Variants in INPP5A observed in about 807,000 individuals in gnomAD.
The protein encoded by INPP5A is inositol polyphosphate-5-phosphatase A, also known as 43 kDa inositol polyphosphate 5-phophatase.
A neutral mutation model predicts 65.2 loss-of-function variants in INPP5A; 14 were observed. The observed-to-expected ratio is 0.21, with a 90% CI of 0.14 to 0.34. INPP5A has a LOEUF of 0.34. Ranked by LOEUF, INPP5A falls within the 10% of genes least tolerant of loss-of-function variation. The probability of loss-of-function intolerance (pLI) is 1.00; values close to 1 mark genes in which losing one functional copy is unlikely to be tolerated. For synonymous variants in INPP5A, 207 were observed against 208.3 expected (o/e 0.99, Z 0.05); for missense variants, 431 against 545.6 (o/e 0.79, Z 2.09).
intron 4 of INPP5A, among the ~76,000 whole-genome samples, chr10:132,653,552 A>T (rs1027822150): frequency 1.3e-5 from 2 of 152,214 alleles, no homozygotes; most frequent in African/African-American, 4.8e-5. Flanking sequence ...GCCAGGGCAC[A>T]TGAGTCTAGT....
intron 1 of INPP5A, among the ~76,000 whole-genome samples, chr10:132,589,466 A>G (rs991786146): frequency 1.3e-5 from 2 of 152,248 alleles, no homozygotes; most frequent in Non-Finnish European, 2.9e-5. Context: ...CCGCGGTCCA[A>G]GCCGAGGCAC....
chr10:132,771,832 G>GA lies in INPP5A; in HGVS notation c.978-5839_978-5838insA, dbSNP rs1554959428. 3.1e-4 allele frequency among the ~76,000 whole-genome samples: 28 copies of GA among 90,984 alleles called. 1 individual carries two copies. Among genetic ancestry groups the GA allele is most frequent in the South Asian group, 7.9e-4 (2 of 2,536 alleles). The allele number at this position is 90,984 out of a possible 152,430, so 59.7% of individuals were successfully genotyped here. On this transcript the variant is annotated intron_variant, in intron 12 of 15. Coordinates refer to ENST00000368594, the MANE Select transcript of INPP5A (RefSeq NM_005539.5). ...AGGCAGCCGCCCCGTGAAGAGTGGG[G>GA]CACTCAGCACTGACACGGAGGCCAC...
At position 132,689,750 on chromosome 10, in the gene INPP5A, G is replaced by T. The variant is rs375419061; in HGVS notation, c.307-642G>T. ...ACAAGTAACTGTCTGTGTGGTATCC[G>T]TCGACCCAGCCCTGTGGCGTCCAGC... is the stretch of plus-strand genomic sequence containing the variant. On this transcript the variant is annotated intron_variant, in intron 4 of 15. Coordinates refer to ENST00000368594, the MANE Select transcript of INPP5A (RefSeq NM_005539.5). Among the ~76,000 whole-genome samples, 47 of 152,338 alleles carry T rather than the reference G, an allele frequency of 3.1e-4. No homozygotes were observed. The South Asian group carries it at 9.7e-3, about 32-fold the overall frequency.
intron 12 of INPP5A, among the ~76,000 whole-genome samples, chr10:132,777,152 T>C (rs1413033496): frequency 6.6e-6 from 1 of 152,196 alleles, no homozygotes; most frequent in Non-Finnish European, 1.5e-5. Flanking sequence ...CACCCTCCAC[T>C]GCAGCAGTGA....
At chr10:132,723,498 TGTGGGGA>T (rs1845926193) in intron 8 of INPP5A, among the ~76,000 whole-genome samples, 1 of 145,470 alleles carries the variant, frequency 6.9e-6, no homozygotes, top group African/African-American at 2.6e-5. Flanking sequence ...GGATTGGCCG[TGTGGGGA>T]TTGGCCATGT....
intron 1 of INPP5A, among the ~76,000 whole-genome samples, chr10:132,600,992 G>C (rs2071769513): frequency 6.6e-6 from 1 of 152,134 alleles, no homozygotes; most frequent in Non-Finnish European, 1.5e-5. Flanking sequence ...ACCACATCAG[G>C]AATATAGCCA....
chr10:132,761,990 T>C (rs1486937942), intron 11 of INPP5A, among the ~76,000 whole-genome samples: 1 of 152,048 alleles, frequency 6.6e-6, no homozygotes. Flanking sequence ...CTCATAGAAG[T>C]ATTATCATTA....
At chr10:132,751,914 AGGAGGTGTCTGGGTAGAGGCG>A (rs1846488588) in intron 11 of INPP5A, among the ~76,000 whole-genome samples, 1 of 149,462 alleles carries the variant, frequency 6.7e-6, no homozygotes, top group South Asian at 2.2e-4. Flanking sequence ...GCGGGTGCCC[AGGAGGTGTCTGGGTAGAGGCG>A]GGTGCCCAGG....
intron 1 of INPP5A, among the ~76,000 whole-genome samples, chr10:132,564,699 G>C (rs994474341): frequency 6.6e-6 from 1 of 152,268 alleles, no homozygotes; most frequent in East Asian, 1.9e-4. Flanking sequence ...AGACGGGAGT[G>C]TGCAGTGTGA....
chr10:132,677,964 C>A (rs1371979195), intron 4 of INPP5A, among the ~76,000 whole-genome samples: 1 of 152,252 alleles, frequency 6.6e-6, no homozygotes, highest in Non-Finnish European at 1.5e-5. Context: ...ATTTAATTAA[C>A]CTCTAGCGTC....
chr10:132,558,292 G>A (rs1485724189), intron 1 of INPP5A, among the ~76,000 whole-genome samples: 1 of 152,034 alleles, frequency 6.6e-6, no homozygotes, highest in Admixed American at 6.5e-5. Context: ...CGCTGAGCAC[G>A]CTCTGGGGCT....
At chr10:132,734,120 G>A (rs902061922) in intron 9 of INPP5A, among the ~76,000 whole-genome samples, 14 of 152,238 alleles carry the variant, frequency 9.2e-5, no homozygotes, top group African/African-American at 1.4e-4. Context: ...CACGCCACCC[G>A]CAGTGCCATG....
At chr10:132,689,777 G>A (rs902619969) in intron 4 of INPP5A, among the ~76,000 whole-genome samples, 8 of 152,346 alleles carry the variant, frequency 5.3e-5, no homozygotes, top group Admixed American at 3.9e-4. Flanking sequence ...GCGTCCAGCC[G>A]CGTACTTTTG....
chr10:132,620,645 A>C (rs775492310), intron 2 of INPP5A, among the ~76,000 whole-genome samples: 3 of 152,248 alleles, frequency 2.0e-5, no homozygotes, highest in Non-Finnish European at 4.4e-5. Context: ...TATATGAAAG[A>C]AACTTTTTTT....
intron 6 of INPP5A, among the ~76,000 whole-genome samples, chr10:132,699,023 C>T (rs759847509): frequency 3.3e-5 from 5 of 152,358 alleles, no homozygotes; most frequent in Admixed American, 6.5e-5. Context: ...CTCCTGTCCT[C>T]GGTCCTGCTT....
Position 132,698,761 on chromosome 10 carries a change from G to A in INPP5A, c.474+842G>A, listed in dbSNP as rs371650272. The stretch of plus-strand genomic sequence containing the variant: ...TCCAGGCTGTGATATAGGAGCTCTC[G>A]TCCGGACTTGTCTGCGCAGGCAGCC... On this transcript the variant is annotated intron_variant, in intron 6 of 15. Coordinates refer to ENST00000368594, the MANE Select transcript of INPP5A (RefSeq NM_005539.5). This position sits in a 1 kb window ranked among gnomAD's most constrained non-coding sequence, Gnocchi z 5.5. 2.0e-5 allele frequency among the ~76,000 whole-genome samples: 3 copies of A among 152,190 alleles called. No homozygotes were observed. The highest frequency in any genetic ancestry group is 6.5e-5 in the Admixed American group (1 of 15,292).
At chr10:132,592,833 CCA>C (rs1438119426) in intron 1 of INPP5A, among the ~76,000 whole-genome samples, 2 of 152,190 alleles carry the variant, frequency 1.3e-5, no homozygotes, top group African/African-American at 4.8e-5. Flanking sequence ...TAAAATAACA[CCA>C]GTTTGTTGTT....
At chr10:132,562,401 AG>A (rs2071218095) in intron 1 of INPP5A, among the ~76,000 whole-genome samples, 1 of 152,220 alleles carries the variant, frequency 6.6e-6, no homozygotes, top group Non-Finnish European at 1.5e-5. Context: ...GAGGACACGT[AG>A]GTGAACCTGG....
rs2071560493 is a variant in INPP5A, at chr10:132,587,580, C to G, written c.76-20335C>G. Among the ~76,000 whole-genome samples the G allele has an allele frequency of 6.6e-6, 1 of 152,240 alleles. No individual in the cohort carries two copies. The highest frequency in any genetic ancestry group is 2.4e-5 in the African/African-American group (1 of 41,462). On this transcript the variant is annotated intron_variant, in intron 1 of 15. Coordinates refer to ENST00000368594, the MANE Select transcript of INPP5A (RefSeq NM_005539.5). The surrounding 1 kb of genome is among the most constrained non-coding windows in gnomAD (Gnocchi z 4.3). ...GGGCCAATGTTTAAACCTGCCTGAACTCCAGCCTCTCCCTCTTTGTTGTTT... is the reference window on the plus strand; with the variant it reads ...GGGCCAATGTTTAAACCTGCCTGAAGTCCAGCCTCTCCCTCTTTGTTGTTT...
Sources: allele counts gnomAD v4.1 joint callset (sites outside exome capture counted in the v4.1 genomes callset), GRCh38; gene constraint gnomAD v4.1.1; non-coding constraint Gnocchi (gnomAD v3.1); transcripts MANE v1.5; gene names NCBI Gene and HGNC (gene_info 2026-07-23, HGNC 2026-07-21).